DNMT1: variants seen among roughly 807,000 people sequenced by gnomAD.
The protein encoded by DNMT1 is DNA methyltransferase 1.
DNMT1 carries 24 observed loss-of-function variants against 205.3 expected under a neutral mutation model. The ratio of observed to expected loss-of-function variants is 0.12; its 90% CI spans 0.08 to 0.16. The LOEUF is 0.16. DNMT1 is among the 10% of genes least tolerant of loss of function. The pLI is 1.00. For missense variants in DNMT1, 1,293 were observed against 2,177.7 expected (o/e 0.59, Z 8.09); for synonymous variants, 817 against 839.8 (o/e 0.97, Z 0.47).
At chr19:10,180,653 T>C in intron 3 of DNMT1, 84 bp from the exon 4 acceptor site, 5 of 1,438,152 alleles carry the variant, frequency 3.5e-6, no homozygotes, top group Non-Finnish European at 3.9e-6. Flanking sequence ...TCCTTCATCA[T>C]CATCATCATC....
At chr19:10,175,517 G>A in intron 7 of DNMT1, 23 bp downstream of exon 7, 1 of 1,613,720 alleles carries the variant, frequency 6.2e-7, no homozygotes, top group East Asian at 2.2e-5. Flanking sequence ...GGTAGAGTCA[G>A]GAAATGAAAG....
At chr19:10,134,177 C>T in intron 40 of DNMT1, 40 bp downstream of exon 40, 1 of 1,608,976 alleles carries the variant, frequency 6.2e-7, no homozygotes, top group Non-Finnish European at 8.5e-7. Flanking sequence ...CCCCAGAGGG[C>T]AGTCAGGCCC....
intron 1 of DNMT1, among the ~76,000 whole-genome samples, chr19:10,186,913 G>A (rs1568260476): frequency 6.6e-6 from 1 of 151,358 alleles, no homozygotes; most frequent in Non-Finnish European, 1.5e-5. Flanking sequence ...ACGCCTGCGG[G>A]ATTCCCAAGA....
intron 39 of DNMT1, among the ~76,000 whole-genome samples, chr19:10,135,178 A>G (rs897935373): frequency 1.4e-5 from 2 of 144,076 alleles, no homozygotes; most frequent in Admixed American, 1.5e-4. Context: ...ACGCCACTTC[A>G]CTCCAGCCTG....
At chr19:10,160,870 G>A (rs996541710) in intron 13 of DNMT1, among the ~76,000 whole-genome samples, 9 of 152,152 alleles carry the variant, frequency 5.9e-5, no homozygotes, top group African/African-American at 2.2e-4. Context: ...CTGGGCGACA[G>A]AGTGAGTGAG....
At chr19:10,147,996 A>G (rs886430090) in intron 27 of DNMT1, among the ~76,000 whole-genome samples, 3 of 150,026 alleles carry the variant, frequency 2.0e-5, no homozygotes, top group Non-Finnish European at 4.5e-5. Context: ...CATGCTTGTA[A>G]TCCCAGCTAC....
Position 10,133,678 on chromosome 19 carries a change from C to T in DNMT1, c.4888G>A (p.Ala1630Thr), listed in dbSNP as rs1266661641. Residue 1630 changes from alanine (A) to threonine (T), a missense_variant, in exon 41 of 41, where the codon GCT (alanine) becomes ACT (threonine). Ala to Thr is a moderately conservative substitution (Grantham distance 58, BLOSUM62 0). Around this residue, in one of 13 missense-constraint regions of DNMT1, gnomAD observed 37 missense variants for 36.3 expected, o/e 1.02. Transcript: ENST00000359526. The surrounding 1 kb of genome is among the most constrained non-coding windows in gnomAD (Gnocchi z 4.1). ...ASAKIKEEEA[A>T]KD ...ACGGGAGGGCAGAACTAGTCCTTAG[C>T]AGCTTCCTCCTCCTTTATTTTAGCT... 1 of 1,598,708 alleles carries T rather than the reference C, an allele frequency of 6.3e-7. No homozygotes were observed. The highest frequency in any genetic ancestry group is 1.1e-5 in the South Asian group (1 of 88,420).
chr19:10,175,474 A>G (rs919498158), intron 7 of DNMT1, 66 bp downstream of exon 7: 3 of 1,583,890 alleles, frequency 1.9e-6, no homozygotes, highest in African/African-American at 2.7e-5. Context: ...CAGAACACAT[A>G]TGAAGTCACA....
chr19:10,152,936 CA>C (rs34698448), intron 22 of DNMT1, among the ~76,000 whole-genome samples: 16,904 of 72,546 alleles, frequency 0.23, 1,391 homozygotes, highest in East Asian at 0.5. Context: ...CCTGTCTCTA[CA>C]AAAAAAAAAA....
At chr19:10,166,206 G>A (rs1464474977) in intron 11 of DNMT1, among the ~76,000 whole-genome samples, 7 of 152,188 alleles carry the variant, frequency 4.6e-5, no homozygotes, top group Non-Finnish European at 1.0e-4. Context: ...CTGGCAGGGG[G>A]AGAGCTAGAC....
chr19:10,149,336 A>G (rs866469831), intron 26 of DNMT1, 117 bp downstream of exon 26: 3 of 1,378,012 alleles, frequency 2.2e-6, no homozygotes, highest in Non-Finnish European at 2.0e-6. Context: ...AAAACAAAAA[A>G]AAAAACAAAA....
chr19:10,189,476 G>A (rs2039259886), intron 1 of DNMT1, among the ~76,000 whole-genome samples: 1 of 149,794 alleles, frequency 6.7e-6, no homozygotes, highest in Non-Finnish European at 1.5e-5. Context: ...CTGGAGTGCA[G>A]TGGCACAATC....
At chr19:10,180,023 G>A in intron 5 of DNMT1, 164 bp downstream of exon 5, 2 of 302,138 alleles carry the variant, frequency 6.6e-6, no homozygotes, top group Middle Eastern at 1.1e-3. Context: ...AAGAAAGAGA[G>A]TTAAGCAGGG....
rs903384544 is a variant in DNMT1, at chr19:10,148,300, T to C, written c.2720+584A>G. 7.8e-4 allele frequency among the ~76,000 whole-genome samples: 118 copies of C among 150,578 alleles called. 1 individual carries two copies. The highest frequency in any genetic ancestry group is 2.7e-3 in the African/African-American group (111 of 41,216). On this transcript the variant is annotated intron_variant, in intron 27 of 40. Coordinates refer to ENST00000359526, the MANE Select transcript of DNMT1 (RefSeq NM_001130823.3). ...TCACAAGGTCAGGAGATCGAGACCA[T>C]CCTGGCTAACACAGTGAAACCTCGT...
chr19:10,133,437 T>C lies in DNMT1; in HGVS notation c.*230A>G. On this transcript the variant is annotated 3_prime_UTR_variant, in exon 41 of 41. Transcript: ENST00000359526. This position sits in a 1 kb window ranked among gnomAD's most constrained non-coding sequence, Gnocchi z 4.1. The stretch of plus-strand genomic sequence containing the variant: ...TCCACTCATACAGTGGTAGATTTGA[T>C]ATAATGCATAATAAAAAACTTTTAA... 1 of 589,208 alleles carries C rather than the reference T, an allele frequency of 1.7e-6. No homozygotes were observed. The highest frequency in any genetic ancestry group is 3.0e-6 in the Non-Finnish European group (1 of 331,010). The allele number at this position is 589,208 out of a possible 1,614,324, so 36.5% of individuals were successfully genotyped here.
chr19:10,194,033 CACAA>C (rs1365348297), intron 1 of DNMT1, among the ~76,000 whole-genome samples: 1 of 152,198 alleles, frequency 6.6e-6, no homozygotes, highest in Non-Finnish European at 1.5e-5. Context: ...CATGAACACA[CACAA>C]ACACACACGA....
chr19:10,147,155 A>G (rs1735136943), intron 27 of DNMT1, among the ~76,000 whole-genome samples: 1 of 152,028 alleles, frequency 6.6e-6, no homozygotes, highest in African/African-American at 2.4e-5. Flanking sequence ...CCAGCTACTC[A>G]GGAGGCTGAG....
intron 5 of DNMT1, 68 bp from the exon 6 acceptor site, chr19:10,177,435 T>C (rs1381751474): frequency 5.4e-6 from 8 of 1,475,302 alleles, no homozygotes; most frequent in Non-Finnish European, 7.5e-6. Flanking sequence ...CCCACAGCAA[T>C]AATGCAGTTC....
At chr19:10,150,303 GT>G (rs1256935573) in intron 24 of DNMT1, among the ~76,000 whole-genome samples, 1 of 152,172 alleles carries the variant, frequency 6.6e-6, no homozygotes, top group Non-Finnish European at 1.5e-5. Context: ...CCTGACCCCT[GT>G]CCTGCCCATC....
Sources: gnomAD v4.1 joint callset for allele counts (sites outside exome capture counted in the v4.1 genomes callset) on GRCh38, gnomAD v4.1.1 for gene constraint, gnomAD v4.1.1 regional missense constraint, Gnocchi (gnomAD v3.1) non-coding constraint, MANE v1.5 for transcripts, NCBI Gene and HGNC (gene_info 2026-07-23, HGNC 2026-07-21) for gene names.